CNTN5: variants seen among roughly 807,000 people sequenced by gnomAD.
CNTN5 encodes contactin-5.
In CNTN5, 77 loss-of-function variants were observed where a neutral mutation model predicts 129.1. That is an observed-to-expected ratio of 0.60 (90% confidence interval 0.50 to 0.72). The LOEUF (loss-of-function observed/expected upper bound fraction) is 0.72. Among genes scored for constraint, CNTN5 ranks in the 30% least tolerant of loss-of-function variants. The pLI is 0.00. For missense variants in CNTN5, 1,478 were observed against 1,328.8 expected, an observed-to-expected ratio of 1.11 and a Z score of -1.75; for synonymous variants, 509 against 465.6, an observed-to-expected ratio of 1.09 and a Z score of -1.20.
intron 17 of CNTN5, among the ~76,000 whole-genome samples, chr11:100,266,630 CTTT>C (rs5794047): frequency 1.4e-5 from 2 of 140,830 alleles, no homozygotes. Flanking sequence ...ATTTCCAAAT[CTTT>C]TTTTTTTTTT....
rs574059891 is a variant in CNTN5, at chr11:99,216,236, G to A, written c.-209-109110G>A. Among the ~76,000 whole-genome samples, 10 of 152,170 alleles carry A rather than the reference G, an allele frequency of 6.6e-5. No individual in the cohort carries two copies. In the South Asian group the frequency reaches 1.9e-3, roughly 28 times the overall value. ...TATTTTTTAGTTCCCACATATAAGT[G>A]AGAACGTGTGATATTTGTGTTTCTT... is the stretch of plus-strand genomic sequence containing the variant. On this transcript the variant is annotated intron_variant, in intron 1 of 24. Transcript: ENST00000524871.
chr11:99,401,415 C>T (rs1221146957), intron 2 of CNTN5, among the ~76,000 whole-genome samples: 1 of 151,992 alleles, frequency 6.6e-6, no homozygotes, highest in Non-Finnish European at 1.5e-5. Flanking sequence ...TTCATGGGTT[C>T]TCTATTCTGT....
Position 100,204,297 on chromosome 11 carries a change from A to ATATATATAT in CNTN5, c.1884+10634_1884+10635insTATATATAT, listed in dbSNP as rs1555039166. Among the ~76,000 whole-genome samples, 158 of 17,658 alleles carry ATATATATAT rather than the reference A, an allele frequency of 8.9e-3. 31 individuals carry two copies. Among genetic ancestry groups the ATATATATAT allele is most frequent in the South Asian group, 0.045 (17 of 382 alleles). 11.6% of individuals were successfully genotyped at this position (17,658 alleles called of 152,430 possible). ...GCTCACCAAGAAACAAACATTGACT[A>ATATATATAT]ATATATATATATATATATATATATA... On this transcript the variant is annotated intron_variant, in intron 15 of 24. Coordinates refer to ENST00000524871, the MANE Select transcript of CNTN5 (RefSeq NM_014361.4).
At chr11:99,923,753 GTCTGTCTATCTATCTATCTATCTATCTA>G (rs1256502243) in intron 7 of CNTN5, among the ~76,000 whole-genome samples, 1 of 116,242 alleles carries the variant, frequency 8.6e-6, no homozygotes, top group African/African-American at 3.6e-5. Flanking sequence ...TAATCTATCT[GTCTGTCTATCTATCTATCTATCTATCTA>G]TCTATCTATC....
At chr11:99,099,549 T>TAC (rs57981357) in intron 1 of CNTN5, among the ~76,000 whole-genome samples, 2,192 of 149,746 alleles carry the variant, frequency 0.015, 27 homozygotes, top group African/African-American at 0.037. Flanking sequence ...ATAATGTGTA[T>TAC]ACACACACAC....
chr11:99,362,680 T>C lies in CNTN5; in HGVS notation c.-71+37196T>C, dbSNP rs1939193039. 2.0e-5 allele frequency among the ~76,000 whole-genome samples: 3 copies of C among 151,638 alleles called. 1 individual carries two copies. In the South Asian group the frequency reaches 6.2e-4, roughly 31 times the overall value. On this transcript the variant is annotated intron_variant, in intron 2 of 24. Coordinates refer to ENST00000524871, the MANE Select transcript of CNTN5 (RefSeq NM_014361.4). The stretch of plus-strand genomic sequence containing the variant: ...CTCTTATGCTTAGGTATTTAATACA[T>C]TTTTAGTTAATTTTTGCATACGATA...
chr11:100,337,168 C>G, intron 21 of CNTN5: 1 of 1,456,418 alleles, frequency 6.9e-7, no homozygotes, highest in South Asian at 1.1e-5. Flanking sequence ...GAATGTTCAC[C>G]AGTGGGTTGA....
chr11:99,730,891 C>A (rs183134682), intron 3 of CNTN5, among the ~76,000 whole-genome samples: 1 of 152,242 alleles, frequency 6.6e-6, no homozygotes, highest in Admixed American at 6.5e-5. Context: ...AGATCCTATT[C>A]CTTCTACCTA....
At chr11:100,015,340 G>A (rs989077126) in intron 9 of CNTN5, among the ~76,000 whole-genome samples, 1 of 151,902 alleles carries the variant, frequency 6.6e-6, no homozygotes, top group Admixed American at 6.6e-5. Context: ...TTTCTACTTG[G>A]GTTCTAGCAT....
At chr11:99,083,975 C>T (rs1739812551) in intron 1 of CNTN5, among the ~76,000 whole-genome samples, 1 of 152,150 alleles carries the variant, frequency 6.6e-6, no homozygotes, top group South Asian at 2.1e-4. Context: ...ACTTAACTGA[C>T]ATTATTCCTT....
chr11:99,173,738 G>A (rs1199855138), intron 1 of CNTN5, among the ~76,000 whole-genome samples: 1 of 152,090 alleles, frequency 6.6e-6, no homozygotes, highest in Non-Finnish European at 1.5e-5. Flanking sequence ...CTCAACAATC[G>A]GAATCAGAGG....
chr11:99,102,798 C>G (rs986918303), intron 1 of CNTN5, among the ~76,000 whole-genome samples: 1 of 152,264 alleles, frequency 6.6e-6, no homozygotes, highest in South Asian at 2.1e-4. Flanking sequence ...CAACCTCTGC[C>G]TGTTACCCAG....
At chr11:100,171,593 A>G (rs192809190) in intron 13 of CNTN5, among the ~76,000 whole-genome samples, 102 of 152,114 alleles carry the variant, frequency 6.7e-4, no homozygotes, top group Non-Finnish European at 1.2e-3. Flanking sequence ...GTTTTTACTG[A>G]AAAAGTTATC....
At chr11:99,241,703 C>T (rs1282646204) in intron 1 of CNTN5, among the ~76,000 whole-genome samples, 2 of 151,916 alleles carry the variant, frequency 1.3e-5, no homozygotes, top group East Asian at 3.9e-4. Context: ...TAATTTGTTG[C>T]TGAATAAGTT....
intron 1 of CNTN5, among the ~76,000 whole-genome samples, chr11:99,252,796 A>G (rs1175063833): frequency 1.3e-5 from 2 of 152,144 alleles, no homozygotes; most frequent in Non-Finnish European, 2.9e-5. Flanking sequence ...TATATAGTCT[A>G]TGCTCTAATT....
At chr11:99,079,593 G>A (rs921624440) in intron 1 of CNTN5, among the ~76,000 whole-genome samples, 5 of 152,120 alleles carry the variant, frequency 3.3e-5, no homozygotes, top group African/African-American at 4.8e-5. Context: ...ATTGGCTAAC[G>A]AATATAGAAT....
At chr11:100,037,711 T>G (rs1942102820) in intron 9 of CNTN5, among the ~76,000 whole-genome samples, 1 of 152,166 alleles carries the variant, frequency 6.6e-6, no homozygotes. Flanking sequence ...ATGTATGTGT[T>G]GAGGAATTTA....
At position 99,116,087 on chromosome 11, in the gene CNTN5, A is replaced by G. The variant is rs147890813; in HGVS notation, c.-210+94817A>G. Among the ~76,000 whole-genome samples the G allele has an allele frequency of 5.4e-3, 823 of 152,312 alleles. 4 individuals carry two copies. Among genetic ancestry groups the G allele is most frequent in the African/African-American group, 0.019 (780 of 41,574 alleles). On this transcript the variant is annotated intron_variant, in intron 1 of 24. Transcript: ENST00000524871. ...CCTCCAGCAGCATTTGATAATTTTT[A>G]CCCTAGAATGAGGTTGCATTCATTT...
intron 3 of CNTN5, among the ~76,000 whole-genome samples, chr11:99,807,033 A>G (rs763105092): frequency 8.5e-5 from 13 of 152,118 alleles, no homozygotes; most frequent in African/African-American, 1.4e-4. Context: ...ACTCAATAGG[A>G]TAAAAGAAAA....
Sources: gnomAD v4.1 joint callset for allele counts (sites outside exome capture counted in the v4.1 genomes callset) on GRCh38, gnomAD v4.1.1 for gene constraint, MANE v1.5 for transcripts, NCBI Gene and HGNC (gene_info 2026-07-23, HGNC 2026-07-21) for gene names.